NF1: variants seen among roughly 807,000 people sequenced by gnomAD.
NF1 encodes neurofibromin 1, also known as neurofibromin.
A neutral mutation model predicts 325.7 loss-of-function variants in NF1; 122 were observed. The ratio of observed to expected loss-of-function variants is 0.37; its 90% confidence interval spans 0.32 to 0.44. NF1 has a LOEUF of 0.44. Ranked by LOEUF, NF1 falls within the 20% of genes least tolerant of loss-of-function variation. The pLI is 1.00. For synonymous variants in NF1, 1,091 were observed against 1,186.0 expected, an observed-to-expected ratio of 0.92 and a Z score of 1.65; for missense variants, 2,140 against 3,415.4, an observed-to-expected ratio of 0.63 and a Z score of 9.31.
chr17:31,233,733 A>C (rs2067153870), intron 27 of NF1, among the ~76,000 whole-genome samples: 3 of 152,214 alleles, frequency 2.0e-5, no homozygotes, highest in African/African-American at 7.2e-5. Flanking sequence ...ATCATTCTTA[A>C]TACATGCTAA....
intron 46 of NF1, 48 bp downstream of exon 46, chr17:31,338,853 T>TGATACTGAAA (rs1393251101): frequency 8.7e-7 from 1 of 1,145,438 alleles, no homozygotes; most frequent in South Asian, 1.2e-5. Context: ...GTATCAGTGT[T>TGATACTGAAA]GAATGTTACT....
At chr17:31,288,456 T>C (rs2068281178) in intron 36 of NF1, among the ~76,000 whole-genome samples, 1 of 152,130 alleles carries the variant, frequency 6.6e-6, no homozygotes, top group African/African-American at 2.4e-5. Context: ...GGTATCAGAA[T>C]TAACCTTTCT....
chr17:31,158,887 T>A (rs1043556945), intron 2 of NF1, 123 bp from the exon 3 acceptor site: 3 of 648,934 alleles, frequency 4.6e-6, no homozygotes, highest in Non-Finnish European at 8.5e-6. Context: ...TTAAGTATAG[T>A]ATAATCTGGG....
intron 1 of NF1, among the ~76,000 whole-genome samples, chr17:31,125,315 AT>A (rs909719270): frequency 1.3e-5 from 2 of 151,378 alleles, no homozygotes; most frequent in African/African-American, 4.9e-5. Flanking sequence ...ATTTGTATAT[AT>A]TGTATATATA....
chr17:31,277,502 C>T (rs528819604), intron 36 of NF1, among the ~76,000 whole-genome samples: 3 of 152,300 alleles, frequency 2.0e-5, no homozygotes, highest in Admixed American at 2.0e-4. Flanking sequence ...AACATAACTA[C>T]ATGCTGGACA....
rs746994734 is a variant in NF1, at chr17:31,260,383, T to G, written c.4445T>G (p.Ile1482Arg). Residue 1482 changes from isoleucine (I) to arginine (R), a missense_variant, in exon 34 of 58, where the codon ATA becomes AGA. Ile to Arg is a moderately conservative substitution (Grantham distance 97). Transcript: ENST00000358273. ...CATTTTTGAAGGTTTTTCCTTGATA[T>G]AGCATCTGATTGTCCTACAAGTGAT... ...FDAARRFFLD[I>R]ASDCPTSDAV... The G allele has an allele frequency of 6.2e-7, 1 of 1,613,938 alleles. No individual in the cohort carries two copies. The highest frequency in any genetic ancestry group is 8.5e-7 in the Non-Finnish European group (1 of 1,179,934).
intron 34 of NF1, 55 bp downstream of exon 34, chr17:31,260,570 A>G: frequency 6.3e-7 from 1 of 1,587,840 alleles, no homozygotes; most frequent in South Asian, 1.1e-5. Context: ...ATTTAGATTA[A>G]TACAATTATT....
At chr17:31,164,583 C>T (rs1364053225) in intron 4 of NF1, among the ~76,000 whole-genome samples, 2 of 152,162 alleles carry the variant, frequency 1.3e-5, no homozygotes, top group South Asian at 2.1e-4. Flanking sequence ...CAGTGTTGTA[C>T]GAACAGTGGA....
chr17:31,283,189 G>A (rs993675544), intron 36 of NF1, among the ~76,000 whole-genome samples: 4 of 152,014 alleles, frequency 2.6e-5, no homozygotes, highest in South Asian at 4.1e-4. Context: ...AGGCCGAGGC[G>A]GGCGGATCAC....
intron 4 of NF1, among the ~76,000 whole-genome samples, chr17:31,164,507 A>T (rs754683876): frequency 2.0e-5 from 3 of 152,250 alleles, no homozygotes; most frequent in Non-Finnish European, 4.4e-5. Context: ...GTGATTCGTG[A>T]ATCGAAGACT....
chr17:31,263,335 G>A (rs541396255), intron 35 of NF1, among the ~76,000 whole-genome samples: 18 of 152,054 alleles, frequency 1.2e-4, no homozygotes, highest in Non-Finnish European at 1.5e-5. Context: ...AGCTACCTGG[G>A]AGGCTGAGGT....
chr17:31,339,448 AT>A (rs1457770903), intron 46 of NF1, among the ~76,000 whole-genome samples: 1 of 152,212 alleles, frequency 6.6e-6, no homozygotes, highest in Non-Finnish European at 1.5e-5. Context: ...CGATAATGGC[AT>A]GGTATTACCA....
At chr17:31,337,646 T>C in intron 43 of NF1, 64 bp downstream of exon 43, 1 of 1,486,262 alleles carries the variant, frequency 6.7e-7, no homozygotes, top group Non-Finnish European at 9.3e-7. Flanking sequence ...GTTAATACTA[T>C]ATAGAAGAAA....
At chr17:31,217,745 A>G (rs1341805024) in intron 13 of NF1, among the ~76,000 whole-genome samples, 1 of 150,994 alleles carries the variant, frequency 6.6e-6, no homozygotes, top group Admixed American at 6.6e-5. Flanking sequence ...CAGGTGGATC[A>G]CCTGAGGTCA....
At chr17:31,252,695 C>T (rs2151455590) in intron 30 of NF1, 2 of 469,504 alleles carry the variant, frequency 4.3e-6, no homozygotes, top group South Asian at 3.5e-5. Flanking sequence ...GATTCATAGC[C>T]AGAAATAGTA....
At chr17:31,099,946 C>T (rs1415393935) in intron 1 of NF1, among the ~76,000 whole-genome samples, 1 of 150,212 alleles carries the variant, frequency 6.7e-6, no homozygotes, top group African/African-American at 2.4e-5. Flanking sequence ...CTGTATGCCC[C>T]ACTGGTTCCT....
intron 1 of NF1, among the ~76,000 whole-genome samples, chr17:31,098,352 A>G (rs1015678367): frequency 2.0e-5 from 3 of 151,894 alleles, no homozygotes; most frequent in African/African-American, 7.2e-5. Flanking sequence ...AAATATATTT[A>G]GAAGACTTTA....
At chr17:31,191,317 C>G (rs1400642293) in intron 8 of NF1, among the ~76,000 whole-genome samples, 1 of 152,130 alleles carries the variant, frequency 6.6e-6, no homozygotes, top group African/African-American at 2.4e-5. Context: ...CATATACCTT[C>G]ACTCAAGGAT....
At chr17:31,111,552 C>T (rs1218384826) in intron 1 of NF1, among the ~76,000 whole-genome samples, 3 of 152,130 alleles carry the variant, frequency 2.0e-5, no homozygotes, top group Non-Finnish European at 4.4e-5. Context: ...TATAATACAA[C>T]TGATGGCTGA....
Sources: allele counts gnomAD v4.1 joint callset (sites outside exome capture counted in the v4.1 genomes callset), GRCh38; gene constraint gnomAD v4.1.1; transcripts MANE v1.5; gene names NCBI Gene and HGNC (gene_info 2026-07-23, HGNC 2026-07-21).